The following SFI1 variants were observed in gnomAD, a reference collection of about 807,000 sequenced individuals.
SFI1 encodes protein SFI1 homolog.
A neutral mutation model predicts 207.5 loss-of-function variants in SFI1; 195 were observed. The observed-to-expected ratio is 0.94, with a 90% CI of 0.84 to 1.06. SFI1 has a LOEUF of 1.06. Among genes scored for constraint, SFI1 ranks in the 50% least tolerant of loss-of-function variants. The pLI is 0.00. For synonymous variants in SFI1, 630 were observed against 598.9 expected (o/e 1.05, Z -0.76); for missense variants, 1,634 against 1,588.0 (o/e 1.03, Z -0.49).
At chr22:31,583,003 A>T (rs7287984) in intron 12 of SFI1, among the ~76,000 whole-genome samples, 3,584 of 152,236 alleles carry the variant, frequency 0.024, 125 homozygotes, top group African/African-American at 0.081. Context: ...AGCTCATCGT[A>T]GCCTCATCCT....
chr22:31,514,140 C>CAAAAAAAAA (rs113946302), intron 2 of SFI1, among the ~76,000 whole-genome samples: 1 of 82,728 alleles, frequency 1.2e-5, no homozygotes, highest in African/African-American at 4.0e-5. Context: ...AACTCCATCT[C>CAAAAAAAAA]AAAAAAAAAA....
At chr22:31,601,324 C>T (rs1324623329) in intron 15 of SFI1, among the ~76,000 whole-genome samples, 1 of 151,944 alleles carries the variant, frequency 6.6e-6, no homozygotes, top group Non-Finnish European at 1.5e-5. Flanking sequence ...GGGGTTTCAC[C>T]GTGTTAGGCA....
chr22:31,617,919 G>A (rs182890722), intron 31 of SFI1, among the ~76,000 whole-genome samples, 196 bp from the exon 32 acceptor site: 8 of 152,242 alleles, frequency 5.3e-5, no homozygotes, highest in South Asian at 4.1e-4. Flanking sequence ...TGGGGAGGGC[G>A]GAGGAGACTG....
intron 1 of SFI1, among the ~76,000 whole-genome samples, chr22:31,500,323 C>T (rs9609303): frequency 0.22 from 32,798 of 150,746 alleles, 4,575 homozygotes; most frequent in East Asian, 0.44. Context: ...ATAGCCATTC[C>T]AACCTTCAGC....
intron 2 of SFI1, among the ~76,000 whole-genome samples, chr22:31,525,856 A>G (rs1208353072): frequency 6.6e-6 from 1 of 152,110 alleles, no homozygotes; most frequent in East Asian, 1.9e-4. Context: ...TTTGGTTACT[A>G]CAGCTTTGTG....
intron 15 of SFI1, among the ~76,000 whole-genome samples, chr22:31,599,873 TGTTG>T: frequency 7.0e-6 from 1 of 142,682 alleles, no homozygotes; most frequent in African/African-American, 2.5e-5. Flanking sequence ...ATATTTTTAT[TGTTG>T]TTATTTTTTT....
In SFI1 at chr22:31,604,957, G is replaced by A. The variant is rs199968824; in HGVS notation, c.2054+12G>A. The A allele has an allele frequency of 1.2e-3, 1,963 of 1,587,430 alleles. 5 individuals are homozygous for A. The highest frequency in any genetic ancestry group is 2.2e-3 in the Middle Eastern group (13 of 5,832). On this transcript the variant is annotated intron_variant, in intron 20 of 32. Transcript: ENST00000400288. Reference sequence around the variant, plus strand: ...AGGCAGCTGCTGCGGTGAGTCTCCCGGGCGCCTCCCAAGCTCCAGCTGGGG... The same window carrying A: ...AGGCAGCTGCTGCGGTGAGTCTCCCAGGCGCCTCCCAAGCTCCAGCTGGGG...
At chr22:31,549,288 TAAAAAAAAAAAAAAAA>T (rs59382278) in intron 5 of SFI1, among the ~76,000 whole-genome samples, 1 of 37,222 alleles carries the variant, frequency 2.7e-5, no homozygotes, top group African/African-American at 1.2e-4. Flanking sequence ...AGACCCTGTG[TAAAAAAAAAAAAAAAA>T]AAAAAAAAAA....
chr22:31,513,628 A>T (rs1041003089), intron 2 of SFI1, among the ~76,000 whole-genome samples: 1 of 149,858 alleles, frequency 6.7e-6, no homozygotes, highest in African/African-American at 2.5e-5. Flanking sequence ...CCCAGGCTGG[A>T]GTGCAGTGGT....
rs2068977023 is a variant in SFI1 at position 31,606,412 on chromosome 22, A to G, written c.2139A>G (p.Arg713=). The change falls in exon 21 of 33, where the codon AGA becomes AGG. Residue 713 remains arginine (R), a synonymous_variant. Transcript: ENST00000400288. ...KKTFQASTHY[R]RTICSKVLVQ... ...CCTTTCAAGCAAGTACTCATTACAGAAGGACCATATGTTCCAAGGTGAGGT... is the reference window on the plus strand; with the variant it reads ...CCTTTCAAGCAAGTACTCATTACAGGAGGACCATATGTTCCAAGGTGAGGT... 4.3e-6 allele frequency: 7 copies of G among 1,613,824 alleles called. No homozygotes were observed. The highest frequency in any genetic ancestry group is 1.1e-5 in the South Asian group (1 of 91,086).
chr22:31,549,274 A>C (rs181121868), intron 5 of SFI1, among the ~76,000 whole-genome samples: 16 of 125,894 alleles, frequency 1.3e-4, no homozygotes, highest in Non-Finnish European at 2.1e-4. Context: ...TAGGTGACAG[A>C]GTGAGACCCT....
rs2068231846 is a variant in SFI1, at chr22:31,602,203, GT to G, written c.1545-3del. The G allele has an allele frequency of 6.2e-7, 1 of 1,611,332 alleles. No homozygotes were observed. Among genetic ancestry groups the G allele is most frequent in the East Asian group, 2.2e-5 (1 of 44,868 alleles). Reference sequence around the variant, plus strand: ...TTTTAAGTGCTTTACATTCTTCCTTGTTTTTTAGGGAGACATTAGAGAAGCA... The same window carrying G: ...TTTTAAGTGCTTTACATTCTTCCTTGTTTTTAGGGAGACATTAGAGAAGCA... On this transcript the variant is annotated splice_region_variant and splice_polypyrimidine_tract_variant and intron_variant, in intron 15 of 32. Transcript: ENST00000400288.
intron 6 of SFI1, among the ~76,000 whole-genome samples, chr22:31,552,353 A>C (rs1179991639): frequency 6.6e-6 from 1 of 151,604 alleles, no homozygotes; most frequent in Admixed American, 6.6e-5. Flanking sequence ...CCTGGGTTCA[A>C]GTGTTGCTTC....
chr22:31,571,469 T>G (rs2145808166), intron 8 of SFI1, among the ~76,000 whole-genome samples: 1 of 151,168 alleles, frequency 6.6e-6, no homozygotes, highest in African/African-American at 2.4e-5. Context: ...CACACCACCA[T>G]GCCTGGCTAA....
chr22:31,616,498 G>A lies in SFI1; in HGVS notation c.3301-247G>A, dbSNP rs186282440. On this transcript the variant is annotated intron_variant, in intron 29 of 32. Transcript: ENST00000400288. ...TGCTCAGGCAGTGGAGGCGTGAGGC[G>A]GACTGTGGTGACACGGGGTGCTCCC... is the stretch of plus-strand genomic sequence containing the variant. 2.1e-3 allele frequency: 907 copies of A among 433,106 alleles called. 3 individuals carry two copies. The highest frequency in any genetic ancestry group is 2.7e-3 in the Non-Finnish European group (654 of 245,820). The allele number at this position is 433,106 out of a possible 1,614,324, so 26.8% of individuals were successfully genotyped here.
At chr22:31,534,199 G>A (rs2058767679) in intron 4 of SFI1, among the ~76,000 whole-genome samples, 1 of 152,014 alleles carries the variant, frequency 6.6e-6, no homozygotes, top group Non-Finnish European at 1.5e-5. Flanking sequence ...TACCATGTTG[G>A]CCAGGCTGGT....
chr22:31,498,387 T>C (rs1365045282), intron 1 of SFI1, among the ~76,000 whole-genome samples: 4 of 152,098 alleles, frequency 2.6e-5, no homozygotes, highest in Non-Finnish European at 4.4e-5. Context: ...GAAAATGTTC[T>C]GGAAAGGATT....
intron 15 of SFI1, among the ~76,000 whole-genome samples, chr22:31,598,277 G>A (rs539236026): frequency 6.6e-6 from 1 of 151,744 alleles, no homozygotes; most frequent in East Asian, 1.9e-4. Flanking sequence ...GAGCCACCAT[G>A]CCCGGCCGAG....
chr22:31,515,577 G>T (rs998896227), intron 2 of SFI1, among the ~76,000 whole-genome samples: 12 of 150,234 alleles, frequency 8.0e-5, no homozygotes, highest in Non-Finnish European at 1.8e-4. Context: ...TGTAGACAGG[G>T]TCTTGCTTGG....
Sources: gnomAD v4.1 joint callset for allele counts (sites outside exome capture counted in the v4.1 genomes callset) on GRCh38, gnomAD v4.1.1 for gene constraint, MANE v1.5 for transcripts, NCBI Gene and HGNC (gene_info 2026-07-23, HGNC 2026-07-21) for gene names.